Variants in PRDM11 observed in about 807,000 individuals in gnomAD.
PRDM11 encodes the protein PR/SET domain 11.
A neutral mutation model predicts 97.8 loss-of-function variants in PRDM11; 20 were observed. The observed-to-expected ratio is 0.20, with a 90% CI of 0.14 to 0.30. The LOEUF (loss-of-function observed/expected upper bound fraction) is 0.30, where lower values mean the gene tolerates loss of function less well. PRDM11 is among the 10% of genes least tolerant of loss of function. PRDM11 has a pLI of 1.00. For missense variants in PRDM11, 1,139 were observed against 1,555.2 expected, an observed-to-expected ratio of 0.73 and a Z score of 4.50; for synonymous variants, 599 against 637.7, an observed-to-expected ratio of 0.94 and a Z score of 0.91.
At chr11:45,205,513 C>T (rs1853475578) in intron 5 of PRDM11, among the ~76,000 whole-genome samples, 1 of 151,886 alleles carries the variant, frequency 6.6e-6, no homozygotes, top group East Asian at 1.9e-4. Context: ...CTCTCTGGGA[C>T]CTAGGAGCAC....
intron 1 of PRDM11, among the ~76,000 whole-genome samples, chr11:45,180,299 C>G (rs1442268096): frequency 6.6e-6 from 1 of 152,170 alleles, no homozygotes; most frequent in Admixed American, 6.5e-5. Flanking sequence ...GGCAGGCGCC[C>G]CAGGCGGTGC....
chr11:45,122,192 CACACACACAG>C (rs1259817484), intron 1 of PRDM11, among the ~76,000 whole-genome samples: 28 of 126,800 alleles, frequency 2.2e-4, no homozygotes, highest in African/African-American at 8.0e-4. Context: ...CACAGACAGA[CACACACACAG>C]ACACACACAC....
chr11:45,181,714 G>A, intron 1 of PRDM11, 47 bp from the exon 2 acceptor site: 1 of 1,545,210 alleles, frequency 6.5e-7, no homozygotes, highest in Non-Finnish European at 8.9e-7. Context: ...CTCTTCCCCT[G>A]TTTCTTTGAT....
In PRDM11 at chr11:45,227,147, A is replaced by T; in HGVS notation, c.2522A>T (p.Asp841Val). Residue 841 changes from aspartate to valine, a missense_variant, in exon 8 of 8, where the codon GAC becomes GTC. Around this residue, in one of 2 missense-constraint regions of PRDM11, gnomAD observed 710 missense variants for 1,044.9 expected, o/e 0.68. Transcript: ENST00000683152. This position sits in a 1 kb window ranked among gnomAD's most constrained non-coding sequence, Gnocchi z 8.0. ...AACGTCCTCAACGCTCTCATCAAGG[A>T]CTACCTGGAGGTGGTGGCCCATCTC... ...EQNVLNALIK[D>V]YLEVVAHLKE... The T allele has an allele frequency of 6.5e-7, 1 of 1,533,982 alleles. No homozygotes were observed. Among genetic ancestry groups the T allele is most frequent in the Non-Finnish European group, 8.7e-7 (1 of 1,146,734 alleles).
At chr11:45,213,701 G>C (rs1288787353) in intron 5 of PRDM11, 1 of 456,386 alleles carries the variant, frequency 2.2e-6, no homozygotes, top group African/African-American at 2.0e-5. Context: ...GGTCTCAGTG[G>C]GGGCTCAGGA....
intron 5 of PRDM11, chr11:45,209,055 A>G (rs757760715): frequency 1.5e-5 from 7 of 456,576 alleles, no homozygotes; most frequent in Non-Finnish European, 3.1e-5. Flanking sequence ...CACCTCCGTC[A>G]GCCAGGTGCC....
upstream of PRDM11, among the ~76,000 whole-genome samples, chr11:45,095,170 TC>T (rs1372880766): frequency 1.3e-5 from 2 of 151,924 alleles, no homozygotes; most frequent in African/African-American, 4.8e-5. Context: ...ACTGGCTGCC[TC>T]CCCCAAAAGA....
chr11:45,106,098 C>G (rs772393494), intron 1 of PRDM11, among the ~76,000 whole-genome samples: 21 of 152,204 alleles, frequency 1.4e-4, no homozygotes, highest in Non-Finnish European at 2.9e-4. Flanking sequence ...ACTTCCCCCA[C>G]CTGAGAGAGC....
rs375253948 is a variant in PRDM11, at chr11:45,155,182, A to G, written c.-7+8305A>G. Among the ~76,000 whole-genome samples, 9 of 152,302 alleles carry G rather than the reference A, an allele frequency of 5.9e-5. 1 individual carries two copies. The highest frequency in any genetic ancestry group is 2.2e-4 in the African/African-American group (9 of 41,564). Reference sequence around the variant, plus strand: ...AAGTAAATATGGAACCGCCCCCACAATGTCAGCTTTCCCGGAGTGGCTTCT... The same window carrying G: ...AAGTAAATATGGAACCGCCCCCACAGTGTCAGCTTTCCCGGAGTGGCTTCT... On this transcript the variant is annotated intron_variant, in intron 1 of 7. Coordinates refer to ENST00000683152, the MANE Select transcript of PRDM11 (RefSeq NM_001384648.1).
chr11:45,200,163 C>G (rs1232553044), intron 4 of PRDM11, among the ~76,000 whole-genome samples: 1 of 152,094 alleles, frequency 6.6e-6, no homozygotes, highest in Non-Finnish European at 1.5e-5. Context: ...TGAGACAATC[C>G]CAATTGGTGG....
intron 1 of PRDM11, among the ~76,000 whole-genome samples, chr11:45,157,296 C>G (rs1372342097): frequency 6.6e-6 from 1 of 152,098 alleles, no homozygotes; most frequent in African/African-American, 2.4e-5. Flanking sequence ...TGTTCCACCT[C>G]GGATCATCAG....
intron 1 of PRDM11, among the ~76,000 whole-genome samples, chr11:45,105,172 G>T (rs995127992): frequency 1.3e-5 from 2 of 152,192 alleles, no homozygotes; most frequent in African/African-American, 2.4e-5. Flanking sequence ...TGATGAAAGA[G>T]CTCCCTCAGA....
Position 45,198,750 on chromosome 11 carries a change from C to G in PRDM11, c.487-5961C>G, listed in dbSNP as rs757955409. Among the ~76,000 whole-genome samples, 3 of 152,238 alleles carry G rather than the reference C, an allele frequency of 2.0e-5. No individual in the cohort carries two copies. In the East Asian group the frequency reaches 5.8e-4, roughly 29 times the overall value. On this transcript the variant is annotated intron_variant, in intron 4 of 7. Transcript: ENST00000683152. ...AGTTCAGAGAGGGGCCCAGAAGAGTCCTGGTTGATTCTGGGTTTCAGGAAT... is the reference window on the plus strand; with the variant it reads ...AGTTCAGAGAGGGGCCCAGAAGAGTGCTGGTTGATTCTGGGTTTCAGGAAT...
intron 1 of PRDM11, among the ~76,000 whole-genome samples, chr11:45,131,440 A>G (rs1852717918): frequency 1.3e-5 from 2 of 152,256 alleles, no homozygotes; most frequent in African/African-American, 4.8e-5. Context: ...GCAGATTACA[A>G]ATCAATGCAA....
intron 1 of PRDM11, among the ~76,000 whole-genome samples, chr11:45,178,044 AG>A (rs1414266001): frequency 6.6e-6 from 1 of 152,180 alleles, no homozygotes; most frequent in Non-Finnish European, 1.5e-5. Context: ...CTTTGCCCAC[AG>A]GGGGTGGTTT....
chr11:45,220,304 T>G (rs111508051), intron 6 of PRDM11, among the ~76,000 whole-genome samples: 1 of 152,232 alleles, frequency 6.6e-6, no homozygotes, highest in African/African-American at 2.4e-5. Context: ...ATATTTTCCA[T>G]AGCCTGTGAG....
intron 1 of PRDM11, among the ~76,000 whole-genome samples, chr11:45,123,290 G>A (rs1035214884): frequency 5.9e-5 from 9 of 152,270 alleles, no homozygotes; most frequent in African/African-American, 2.2e-4. Context: ...CCATTTTGTA[G>A]GTTGCCTGTT....
At chr11:45,142,504 A>G (rs1378560401), upstream of PRDM11, among the ~76,000 whole-genome samples, 4 of 151,924 alleles carry the variant, frequency 2.6e-5, no homozygotes, top group African/African-American at 9.7e-5. Flanking sequence ...CCTCACTCCC[A>G]CGCCACTATT....
chr11:45,151,326 C>A lies in PRDM11; in HGVS notation c.-7+4449C>A, dbSNP rs537730464. On this transcript the variant is annotated intron_variant, in intron 1 of 7. Transcript: ENST00000683152. ...CCTGGAGCTGTGCTGGAAAAACAAG[C>A]CGTGCAGAAAGAAAAAAGAAAATTG... Among the ~76,000 whole-genome samples, 7 of 152,312 alleles carry A rather than the reference C, an allele frequency of 4.6e-5. No individual in the cohort carries two copies. The South Asian group carries it at 1.2e-3, about 27-fold the overall frequency.
Sources: gnomAD v4.1 joint callset for allele counts (sites outside exome capture counted in the v4.1 genomes callset) on GRCh38, gnomAD v4.1.1 for gene constraint, gnomAD v4.1.1 regional missense constraint, Gnocchi (gnomAD v3.1) non-coding constraint, MANE v1.5 for transcripts, NCBI Gene and HGNC (gene_info 2026-07-23, HGNC 2026-07-21) for gene names.